INPP5B: variants seen among roughly 807,000 people sequenced by gnomAD.
INPP5B encodes the protein inositol polyphosphate-5-phosphatase B.
Under a neutral mutation model 118.5 loss-of-function variants are expected in INPP5B, and 90 were observed. The observed-to-expected ratio is 0.76, with a 90% CI of 0.64 to 0.90. The LOEUF (loss-of-function observed/expected upper bound fraction) is 0.90. INPP5B is among the 40% of genes least tolerant of loss of function. The pLI is 0.00. For synonymous variants in INPP5B, 385 were observed against 418.9 expected (o/e 0.92, Z 0.99); for missense variants, 984 against 1,125.6 (o/e 0.87, Z 1.80).
Position 37,866,406 on chromosome 1 carries a change from T to TCTCACACACACA in INPP5B, c.2386+52_2386+53insTGTGTGTGTGAG, listed in dbSNP as rs748938943. ...CATATTCTCTCTCTCTCTCTCTCTC[T>TCTCACACACACA]CACACACACACACACACACACACAC... On this transcript the variant is annotated intron_variant, in intron 21 of 23. Coordinates refer to ENST00000373024, the MANE Select transcript of INPP5B (RefSeq NM_005540.3). 251 of 404,352 alleles carry TCTCACACACACA rather than the reference T, an allele frequency of 6.2e-4. 1 individual carries two copies. The highest frequency in any genetic ancestry group is 5.4e-3 in the African/African-American group (180 of 33,526). The allele number at this position is 404,352 out of a possible 1,614,324, so 25.0% of individuals were successfully genotyped here. A position where few individuals can be genotyped will look rare whatever the true frequency, so the allele number is the denominator to read the frequency against.
At chr1:37,864,724 A>G (rs3828152) in intron 22 of INPP5B, 1 of 206,908 alleles carries the variant, frequency 4.8e-6, no homozygotes, top group Non-Finnish European at 9.7e-6. Flanking sequence ...GGTGAGAGCA[A>G]AGAAAGTATA....
intron 7 of INPP5B, among the ~76,000 whole-genome samples, chr1:37,894,725 G>T (rs558150473): frequency 1.3e-5 from 2 of 152,112 alleles, no homozygotes; most frequent in East Asian, 3.9e-4. Context: ...CCACACTCAA[G>T]TAATTTTTGT....
At chr1:37,863,222 A>T (rs1557609926) in intron 23 of INPP5B, among the ~76,000 whole-genome samples, 1 of 151,578 alleles carries the variant, frequency 6.6e-6, no homozygotes, top group African/African-American at 2.4e-5. Context: ...TTAAAAAAAA[A>T]AAAAAAAAAA....
chr1:37,867,457 C>G (rs1416425459), intron 20 of INPP5B, among the ~76,000 whole-genome samples: 1 of 152,162 alleles, frequency 6.6e-6, no homozygotes, highest in Non-Finnish European at 1.5e-5. Context: ...AATTCCACCT[C>G]TGCCCATTTA....
chr1:37,932,198 T>C (rs1645510022), intron 6 of INPP5B, 145 bp from the exon 7 acceptor site: 2 of 876,174 alleles, frequency 2.3e-6, no homozygotes, highest in African/African-American at 1.7e-5. Context: ...GCAAGAATAA[T>C]TGTGAACACA....
chr1:37,862,487 A>T (rs1641759201), intron 23 of INPP5B, 57 bp from the exon 24 acceptor site: 4 of 1,023,692 alleles, frequency 3.9e-6, no homozygotes, highest in Non-Finnish European at 6.2e-6. Context: ...CTAAAGACAC[A>T]CATCACTTAA....
chr1:37,895,537 T>C (rs565424815), intron 7 of INPP5B, among the ~76,000 whole-genome samples: 100 of 147,678 alleles, frequency 6.8e-4, no homozygotes, highest in African/African-American at 2.2e-3. Context: ...TCTCCCTCTC[T>C]TTCCACGGTC....
chr1:37,887,085 C>A, intron 11 of INPP5B, 81 bp from the exon 12 acceptor site: 1 of 1,179,436 alleles, frequency 8.5e-7, no homozygotes, highest in Admixed American at 1.8e-5. Flanking sequence ...TGGAAGCTGG[C>A]TGAGAGTATT....
chr1:37,945,821 G>C lies in INPP5B; in HGVS notation c.87C>G (p.Asp29Glu). The C allele has an allele frequency of 6.2e-7, 1 of 1,614,036 alleles. No homozygotes were observed. The highest frequency in any genetic ancestry group is 1.6e-4 in the Middle Eastern group (1 of 6,062). Residue 29 changes from aspartate (D) to glutamate (E), a missense_variant, in exon 3 of 24, where the codon GAC (aspartate) becomes GAG (glutamate). By Grantham distance (45) the Asp-to-Glu change is conservative. Transcript: ENST00000373024. ...IAVQGVLCEGDSRQSRLLGLV... is the reference protein window; with the variant it reads ...IAVQGVLCEGESRQSRLLGLV... ...GTCCCAGGAGGCGGCTCTGCCGGCT[G>C]TCCCCCTCACACAGCACACCTTGCA... is the stretch of plus-strand genomic sequence containing the variant.
chr1:37,883,293 G>A (rs757393925), intron 13 of INPP5B: 185 of 985,268 alleles, frequency 1.9e-4, no homozygotes, highest in Non-Finnish European at 2.2e-4. Flanking sequence ...ATGATGCCAC[G>A]ATACCACCTC....
rs567372784 is a variant in INPP5B, at chr1:37,920,437, G to C, written c.532+11476C>G. Among the ~76,000 whole-genome samples, 8 of 152,290 alleles carry C rather than the reference G, an allele frequency of 5.3e-5. No homozygotes were observed. In the South Asian group the frequency reaches 1.7e-3, roughly 32 times the overall value. ...CCCAGCACTTTGGGAGGCCAAGGCA[G>C]GCAGATCACTTGAGGTCAGGAGTTC... On this transcript the variant is annotated intron_variant, in intron 7 of 23. Transcript: ENST00000373024.
chr1:37,879,068 T>C (rs1175902474), intron 15 of INPP5B, among the ~76,000 whole-genome samples: 1 of 151,754 alleles, frequency 6.6e-6, no homozygotes, highest in Non-Finnish European at 1.5e-5. Context: ...GGTCAAGAGA[T>C]TGAGACCATC....
intron 7 of INPP5B, among the ~76,000 whole-genome samples, chr1:37,912,286 T>A (rs1388183792): frequency 6.6e-6 from 1 of 152,172 alleles, no homozygotes; most frequent in Non-Finnish European, 1.5e-5. Context: ...CACCATTAGG[T>A]TCATCATTCC....
At chr1:37,912,327 C>A (rs1292592581) in intron 7 of INPP5B, among the ~76,000 whole-genome samples, 1 of 152,212 alleles carries the variant, frequency 6.6e-6, no homozygotes, top group Non-Finnish European at 1.5e-5. Flanking sequence ...AAACAGCCAG[C>A]CTGATCTCTC....
chr1:37,883,610 A>G (rs1266819199), intron 13 of INPP5B: 2 of 985,296 alleles, frequency 2.0e-6, no homozygotes, highest in African/African-American at 1.7e-5. Flanking sequence ...GCACACCAAA[A>G]TTAATGCATC....
chr1:37,894,593 G>A (rs1021907306), intron 7 of INPP5B, among the ~76,000 whole-genome samples: 20 of 140,996 alleles, frequency 1.4e-4, no homozygotes, highest in African/African-American at 2.4e-4. Context: ...ACAGGGTCTC[G>A]CTCTGTTGCC....
chr1:37,910,689 C>T (rs951080867), intron 7 of INPP5B, among the ~76,000 whole-genome samples: 4 of 152,170 alleles, frequency 2.6e-5, no homozygotes, highest in Non-Finnish European at 5.9e-5. Flanking sequence ...TATCACTCAC[C>T]TGCTACAGCA....
At chr1:37,931,520 G>A in intron 7 of INPP5B, 5 of 1,535,412 alleles carry the variant, frequency 3.3e-6, no homozygotes, top group Non-Finnish European at 4.4e-6. Flanking sequence ...CAGAACTTCT[G>A]CCCCAGTGTC....
chr1:37,878,055 G>T (rs1642950499), intron 16 of INPP5B, 133 bp downstream of exon 16: 2 of 1,053,980 alleles, frequency 1.9e-6, no homozygotes, highest in South Asian at 1.7e-5. Context: ...GTTAATAATT[G>T]TTTTAAATTG....
Sources: allele counts gnomAD v4.1 joint callset (sites outside exome capture counted in the v4.1 genomes callset), GRCh38; gene constraint gnomAD v4.1.1; transcripts MANE v1.5; gene names NCBI Gene and HGNC (gene_info 2026-07-23, HGNC 2026-07-21).